MSI2: variants seen among roughly 807,000 people sequenced by gnomAD.
MSI2 encodes RNA-binding protein Musashi homolog 2.
MSI2 carries 17 observed loss-of-function variants against 45.6 expected under a neutral mutation model. The observed-to-expected ratio is 0.37, with a 90% CI of 0.26 to 0.56. MSI2 has a LOEUF of 0.56. MSI2 is among the 20% of genes least tolerant of loss of function. MSI2 has a pLI of 0.77. For synonymous variants in MSI2, 156 were observed against 158.2 expected (o/e 0.99, Z 0.11); for missense variants, 293 against 444.2 (o/e 0.66, Z 3.06).
intron 7 of MSI2, among the ~76,000 whole-genome samples, chr17:57,567,649 C>T (rs753643093): frequency 1.3e-5 from 2 of 152,258 alleles, no homozygotes; most frequent in South Asian, 2.1e-4. Flanking sequence ...GGGCTGTACC[C>T]CAAAGACGGC....
intron 6 of MSI2, among the ~76,000 whole-genome samples, chr17:57,456,181 T>G (rs1393010424): frequency 2.0e-5 from 3 of 152,166 alleles, no homozygotes; most frequent in Non-Finnish European, 1.5e-5. Context: ...TGCAAAGATG[T>G]TGAAGAGCAG....
At chr17:57,573,333 TG>T (rs1369205898) in intron 7 of MSI2, among the ~76,000 whole-genome samples, 2 of 107,956 alleles carry the variant, frequency 1.9e-5, no homozygotes, top group East Asian at 4.7e-4. Context: ...TCGTGCTCTG[TG>T]CCAAGTGCCC....
chr17:57,623,167 C>T (rs1908474619), intron 9 of MSI2, among the ~76,000 whole-genome samples: 1 of 152,158 alleles, frequency 6.6e-6, no homozygotes, highest in African/African-American at 2.4e-5. Context: ...GGACTCTTGG[C>T]ACTTGGTGTT....
chr17:57,326,124 C>T (rs1196711559), intron 5 of MSI2, among the ~76,000 whole-genome samples: 3 of 152,124 alleles, frequency 2.0e-5, no homozygotes, highest in Admixed American at 1.3e-4. Context: ...CTTTTGTAGC[C>T]TCTAATGCTT....
chr17:57,632,679 T>A (rs1167719261), intron 10 of MSI2: 1 of 1,065,948 alleles, frequency 9.4e-7, no homozygotes, highest in African/African-American at 1.6e-5. Flanking sequence ...TTGACTTCCT[T>A]CATTTCCCTA....
intron 5 of MSI2, among the ~76,000 whole-genome samples, chr17:57,381,753 C>T (rs2083602000): frequency 6.6e-6 from 1 of 152,196 alleles, no homozygotes; most frequent in Non-Finnish European, 1.5e-5. Flanking sequence ...GTGGCTGGTG[C>T]TATTCTGTGT....
At chr17:57,439,860 G>A (rs1413394631) in intron 6 of MSI2, among the ~76,000 whole-genome samples, 1 of 152,192 alleles carries the variant, frequency 6.6e-6, no homozygotes, top group African/African-American at 2.4e-5. Flanking sequence ...GGGATAGTGT[G>A]TGAGGGCCAG....
At chr17:57,654,386 T>C (rs1283270299) in intron 11 of MSI2, among the ~76,000 whole-genome samples, 1 of 152,258 alleles carries the variant, frequency 6.6e-6, no homozygotes, top group Non-Finnish European at 1.5e-5. Context: ...TGCCTTTCTT[T>C]CTTTTAACGC....
the MSI2 span, among the ~76,000 whole-genome samples, chr17:57,689,926 A>G: frequency 1.3e-5 from 2 of 152,180 alleles, no homozygotes; most frequent in Admixed American, 1.3e-4. Context: ...GTTTTTGGCA[A>G]TTATATATAA....
chr17:57,541,676 C>T (rs1008573448), intron 7 of MSI2, among the ~76,000 whole-genome samples: 6 of 152,288 alleles, frequency 3.9e-5, no homozygotes, highest in Admixed American at 3.3e-4. Context: ...CACCGGTGGG[C>T]ACAGCAGTAA....
intron 7 of MSI2, among the ~76,000 whole-genome samples, chr17:57,595,089 T>C (rs941237960): frequency 1.3e-5 from 2 of 152,178 alleles, no homozygotes; most frequent in African/African-American, 4.8e-5. Context: ...CTAAAGGAGC[T>C]CCACATATCA....
downstream of MSI2, among the ~76,000 whole-genome samples, chr17:57,687,143 C>T (rs1913902185): frequency 6.6e-6 from 1 of 151,678 alleles, no homozygotes. Flanking sequence ...CAAAAAGCAA[C>T]AGAAAACACA....
At chr17:57,269,377 A>G (rs16958155) in intron 5 of MSI2, among the ~76,000 whole-genome samples, 13,065 of 152,208 alleles carry the variant, frequency 0.086, 1,112 homozygotes, top group African/African-American at 0.22. Context: ...ATTCAGACCC[A>G]TATAGAAGCT....
intron 7 of MSI2, among the ~76,000 whole-genome samples, chr17:57,573,314 T>C (rs1427577721): frequency 2.2e-5 from 3 of 138,144 alleles, no homozygotes; most frequent in Admixed American, 7.3e-5. Flanking sequence ...ATTGATCCCT[T>C]AGGATGTGTC....
At chr17:57,456,900 AG>A (rs2085126818) in intron 6 of MSI2, among the ~76,000 whole-genome samples, 1 of 152,160 alleles carries the variant, frequency 6.6e-6, no homozygotes, top group African/African-American at 2.4e-5. Flanking sequence ...GTTGGGAGCA[AG>A]GCGTATTTTC....
chr17:57,622,993 T>G (rs995408613), intron 9 of MSI2, among the ~76,000 whole-genome samples: 1 of 152,208 alleles, frequency 6.6e-6, no homozygotes, highest in Non-Finnish European at 1.5e-5. Context: ...TGCTGAGCCC[T>G]TGAGTTGTGG....
At chr17:57,489,203 C>T (rs1030036291) in intron 6 of MSI2, among the ~76,000 whole-genome samples, 1 of 152,176 alleles carries the variant, frequency 6.6e-6, no homozygotes, top group Non-Finnish European at 1.5e-5. Context: ...ATGAAATCTC[C>T]AAGAGTCTCT....
chr17:57,300,478 T>C (rs1327785619), intron 5 of MSI2, among the ~76,000 whole-genome samples: 10 of 152,220 alleles, frequency 6.6e-5, no homozygotes, highest in Non-Finnish European at 1.5e-4. Context: ...TTTTTCTGCG[T>C]GTACTACAAA....
At chr17:57,362,814 G>A (rs1225419353) in intron 5 of MSI2, among the ~76,000 whole-genome samples, 1 of 152,092 alleles carries the variant, frequency 6.6e-6, no homozygotes, top group East Asian at 1.9e-4. Context: ...TATGAAAAAA[G>A]AGTCAGGAGA....
Sources: allele counts gnomAD v4.1 joint callset (sites outside exome capture counted in the v4.1 genomes callset), GRCh38; gene constraint gnomAD v4.1.1; transcripts MANE v1.5; gene names NCBI Gene and HGNC (gene_info 2026-07-23, HGNC 2026-07-21).